Variants in SPSB1 observed in about 807,000 individuals in gnomAD.
SPSB1 encodes the protein splA/ryanodine receptor domain and SOCS box containing 1, also known as SPRY domain-containing SOCS box protein 1.
SPSB1 carries 8 observed loss-of-function variants against 21.2 expected under a neutral mutation model. That is an observed-to-expected ratio of 0.38 (90% CI 0.22 to 0.68). SPSB1 has a LOEUF of 0.68. Ranked by LOEUF, SPSB1 falls within the 30% of genes least tolerant of loss-of-function variation. SPSB1 has a pLI of 0.53. For synonymous variants in SPSB1, 169 were observed against 161.7 expected (o/e 1.05, Z -0.34); for missense variants, 242 against 377.8 (o/e 0.64, Z 2.98).
chr1:9,361,159 T>TTTTTTTTTTTTTTTTTTTTC lies in SPSB1; in HGVS notation c.694+4593_694+4594insCTTTTTTTTTTTTTTTTTTT, dbSNP rs1557467294. ...GCATGGCTGGATCTGTCATTTTCTT[T>TTTTTTTTTTTTTTTTTTTTC]TTTTTTTTTTTTTTTTTTTTTTTTA... On this transcript the variant is annotated intron_variant, in intron 2 of 2. Transcript: ENST00000328089. 1.5e-3 allele frequency among the ~76,000 whole-genome samples: 51 copies of TTTTTTTTTTTTTTTTTTTTC among 33,224 alleles called. 5 individuals are homozygous for TTTTTTTTTTTTTTTTTTTTC. Among genetic ancestry groups the TTTTTTTTTTTTTTTTTTTTC allele is most frequent in the South Asian group, 6.4e-3 (6 of 932 alleles). The allele number at this position is 33,224 out of a possible 152,430, so 21.8% of individuals were successfully genotyped here. A position where few individuals can be genotyped will look rare whatever the true frequency, so the allele number is the denominator to read the frequency against.
At chr1:9,331,552 G>A (rs188569401) in intron 1 of SPSB1, among the ~76,000 whole-genome samples, 36 of 152,122 alleles carry the variant, frequency 2.4e-4, no homozygotes, top group Admixed American at 2.4e-3. Context: ...GGCTGGTCTT[G>A]AACTCCTGAC....
intron 1 of SPSB1, among the ~76,000 whole-genome samples, chr1:9,307,763 G>C (rs1418217960): frequency 6.6e-6 from 1 of 152,298 alleles, no homozygotes; most frequent in East Asian, 1.9e-4. Context: ...TTTTCCCGTT[G>C]ATCTATTAAA....
chr1:9,358,724 C>T (rs1211449474), intron 2 of SPSB1, among the ~76,000 whole-genome samples: 1 of 152,126 alleles, frequency 6.6e-6, no homozygotes, highest in African/African-American at 2.4e-5. Flanking sequence ...ACTGTGGGGC[C>T]CCATGAAGAT....
At chr1:9,336,820 C>T (rs1640012562) in intron 1 of SPSB1, among the ~76,000 whole-genome samples, 2 of 152,214 alleles carry the variant, frequency 1.3e-5, no homozygotes, top group Admixed American at 6.5e-5. Context: ...GAGGGGGACA[C>T]TAGCCCTCCA....
rs781699536 is a variant in SPSB1, at chr1:9,367,520, A to G, written c.767A>G (p.Glu256Gly). ...GCCCTGGGGAGGGAGCGCCTGGGGG[A>G]GATCCACACGCTGCCGCTGCCGGCT... is the stretch of plus-strand genomic sequence containing the variant. ...RLALGRERLG[E>G]IHTLPLPASL... The change falls in exon 3 of 3, where the codon GAG (glutamate) becomes GGG (glycine). Residue 256 changes from glutamate to glycine, a missense_variant. Transcript: ENST00000328089. The surrounding 1 kb of genome is among the most constrained non-coding windows in gnomAD (Gnocchi z 5.9). 4 of 1,613,128 alleles carry G rather than the reference A, an allele frequency of 2.5e-6. No individual in the cohort carries two copies. The Middle Eastern group carries it at 5.0e-4, about 202-fold the overall frequency.
chr1:9,330,396 C>T (rs55796166), intron 1 of SPSB1, among the ~76,000 whole-genome samples: 10,154 of 152,060 alleles, frequency 0.067, 495 homozygotes, highest in Non-Finnish European at 0.1. Context: ...ACCCGGGAGG[C>T]GGAGGTTGCA....
chr1:9,314,282 C>G (rs992620684), intron 1 of SPSB1, among the ~76,000 whole-genome samples: 2 of 152,198 alleles, frequency 1.3e-5, no homozygotes, highest in South Asian at 2.1e-4. Flanking sequence ...GGGAGTAGAT[C>G]TGGCCATGCC....
At chr1:9,342,305 C>T (rs1319426428) in intron 1 of SPSB1, among the ~76,000 whole-genome samples, 1 of 152,166 alleles carries the variant, frequency 6.6e-6, no homozygotes, top group African/African-American at 2.4e-5. Context: ...AGAAATGCAA[C>T]CCATGAGAAG....
intron 1 of SPSB1, among the ~76,000 whole-genome samples, chr1:9,325,309 GAC>G (rs1639800894): frequency 6.6e-6 from 1 of 151,474 alleles, no homozygotes; most frequent in Non-Finnish European, 1.5e-5. Flanking sequence ...GCACACTAGG[GAC>G]AGTCTGGGCT....
chr1:9,307,828 T>C (rs1639445295), intron 1 of SPSB1, among the ~76,000 whole-genome samples: 1 of 152,230 alleles, frequency 6.6e-6, no homozygotes, highest in Non-Finnish European at 1.5e-5. Flanking sequence ...CCCATTGCTA[T>C]TACGGTGAAT....
intron 1 of SPSB1, among the ~76,000 whole-genome samples, chr1:9,337,198 T>C (rs1386792200): frequency 6.6e-6 from 1 of 152,082 alleles, no homozygotes; most frequent in African/African-American, 2.4e-5. Context: ...CCATTTATGT[T>C]ACCAGCACAT....
intron 1 of SPSB1, among the ~76,000 whole-genome samples, chr1:9,320,587 A>C (rs1240377753): frequency 6.6e-6 from 1 of 152,218 alleles, no homozygotes; most frequent in Non-Finnish European, 1.5e-5. Flanking sequence ...GGAAGCACGC[A>C]GCCCTCTCTT....
chr1:9,302,330 C>A (rs1002613709), intron 1 of SPSB1, among the ~76,000 whole-genome samples: 2 of 152,210 alleles, frequency 1.3e-5, no homozygotes, highest in African/African-American at 4.8e-5. Context: ...CTGAGCCTGT[C>A]CCTTTTCTGC....
intron 1 of SPSB1, among the ~76,000 whole-genome samples, chr1:9,355,248 C>T (rs1640342694): frequency 6.6e-6 from 1 of 152,214 alleles, no homozygotes; most frequent in African/African-American, 2.4e-5. Context: ...GGTAGCTGTG[C>T]CAGAGACAGG....
rs1639143479 is a variant in SPSB1, at chr1:9,292,956, CG to C, written c.-264del. 1.0e-6 allele frequency: 1 copy of C among 982,122 alleles called. No homozygotes were observed. Among genetic ancestry groups the C allele is most frequent in the African/African-American group, 1.8e-5 (1 of 56,820 alleles). 60.8% of individuals were successfully genotyped at this position (982,122 alleles called of 1,614,324 possible). A position where few individuals can be genotyped will look rare whatever the true frequency, so the allele number is the denominator to read the frequency against. On this transcript the variant is annotated 5_prime_UTR_variant, in exon 1 of 3. Transcript: ENST00000328089. ...GCAGGAACCAGGCTCCAGGCGCCGG[CG>C]CCGGGGCCGGGGCCGCGGGGAGGAG...
At chr1:9,296,359 A>G (rs1268225114) in intron 1 of SPSB1, among the ~76,000 whole-genome samples, 2 of 152,136 alleles carry the variant, frequency 1.3e-5, no homozygotes, top group Non-Finnish European at 2.9e-5. Context: ...CAGACTTGGC[A>G]CCCAAGCCCT....
Position 9,361,156 on chromosome 1 carries a change from C to CTTTTTTTTTTTTTTTTTT in SPSB1, c.694+4581_694+4598dup, listed in dbSNP as rs57871457. ...CAGGCATGGCTGGATCTGTCATTTT[C>CTTTTTTTTTTTTTTTTTT]TTTTTTTTTTTTTTTTTTTTTTTTT... is the stretch of plus-strand genomic sequence containing the variant. On this transcript the variant is annotated intron_variant, in intron 2 of 2. Coordinates refer to ENST00000328089, the MANE Select transcript of SPSB1 (RefSeq NM_025106.4). 9.2e-4 allele frequency among the ~76,000 whole-genome samples: 94 copies of CTTTTTTTTTTTTTTTTTT among 102,572 alleles called. 4 individuals are homozygous for CTTTTTTTTTTTTTTTTTT. Among genetic ancestry groups the CTTTTTTTTTTTTTTTTTT allele is most frequent in the African/African-American group, 2.4e-3 (58 of 24,220 alleles). The allele number at this position is 102,572 out of a possible 152,430, so 67.3% of individuals were successfully genotyped here. A position where few individuals can be genotyped will look rare whatever the true frequency, so the allele number is the denominator to read the frequency against.
chr1:9,304,122 TCCCGGAGCTGGGACATC>T (rs1639376442), intron 1 of SPSB1, among the ~76,000 whole-genome samples: 1 of 152,190 alleles, frequency 6.6e-6, no homozygotes, highest in African/African-American at 2.4e-5. Flanking sequence ...TGGCTCTCTG[TCCCGGAGCTGGGACATC>T]CTCCTTCTCC....
intron 1 of SPSB1, among the ~76,000 whole-genome samples, chr1:9,331,335 T>G (rs535881936): frequency 3.5e-5 from 5 of 143,150 alleles, no homozygotes; most frequent in East Asian, 2.0e-4. Flanking sequence ...TTTTTTTTTT[T>G]TTTTTTTTTT....
Sources: allele counts gnomAD v4.1 joint callset (sites outside exome capture counted in the v4.1 genomes callset), GRCh38; gene constraint gnomAD v4.1.1; non-coding constraint Gnocchi (gnomAD v3.1); transcripts MANE v1.5; gene names NCBI Gene and HGNC (gene_info 2026-07-23, HGNC 2026-07-21).